Variants in RASGRF2 observed in about 807,000 individuals in gnomAD.
The protein encoded by RASGRF2 is Ras protein specific guanine nucleotide releasing factor 2.
RASGRF2 carries 76 observed loss-of-function variants against 151.0 expected under a neutral mutation model. That is an observed-to-expected ratio of 0.50 (90% CI 0.42 to 0.61). RASGRF2 has a LOEUF of 0.61. RASGRF2 is among the 20% of genes least tolerant of loss of function. The pLI is 0.00. For missense variants in RASGRF2, 1,148 were observed against 1,564.6 expected (o/e 0.73, Z 4.49); for synonymous variants, 504 against 566.5 (o/e 0.89, Z 1.57).
intron 17 of RASGRF2, among the ~76,000 whole-genome samples, chr5:81,150,297 G>T (rs1312880500): frequency 6.6e-6 from 1 of 152,166 alleles, no homozygotes; most frequent in Non-Finnish European, 1.5e-5. Flanking sequence ...GCCTCTTTAA[G>T]TCTCATCTTC....
At chr5:81,136,143 A>G (rs1753748214) in intron 17 of RASGRF2, among the ~76,000 whole-genome samples, 3 of 152,302 alleles carry the variant, frequency 2.0e-5, no homozygotes, top group Middle Eastern at 3.4e-3. Flanking sequence ...CCTCCCGACT[A>G]TTATTACTTT....
In RASGRF2 at chr5:81,180,252, C is replaced by A; in HGVS notation, c.2764C>A (p.Leu922Ile). The A allele has an allele frequency of 6.2e-7, 1 of 1,611,000 alleles. No homozygotes were observed. Among genetic ancestry groups the A allele is most frequent in the Non-Finnish European group, 8.5e-7 (1 of 1,177,528 alleles). Residue 922 changes from leucine (L) to isoleucine (I), a missense_variant, in exon 18 of 27, where the codon CTC (leucine) becomes ATC (isoleucine). Coordinates refer to ENST00000265080, the MANE Select transcript of RASGRF2 (RefSeq NM_006909.3). ...GGCTACCAATCGAGTTCTGAACGTC[C>A]TCCGTCACTGGGTCTCAAAGCACGC... is the stretch of plus-strand genomic sequence containing the variant. The part of the protein sequence containing the change: ...RTATNRVLNV[L>I]RHWVSKHAQD...
intron 18 of RASGRF2, among the ~76,000 whole-genome samples, chr5:81,185,147 G>A (rs1310454793): frequency 6.6e-6 from 1 of 152,204 alleles, no homozygotes; most frequent in East Asian, 1.9e-4. Context: ...AGGTAGGAGA[G>A]GTCAAGGAGA....
At chr5:81,216,369 GCA>G (rs1043898848) in intron 24 of RASGRF2, among the ~76,000 whole-genome samples, 25 of 144,232 alleles carry the variant, frequency 1.7e-4, no homozygotes, top group East Asian at 7.9e-4. Context: ...ACACACACAC[GCA>G]CACACACACA....
rs762880801 is a variant in RASGRF2, at chr5:80,960,698, G to T, written c.-41G>T. On this transcript the variant is annotated 5_prime_UTR_variant, in exon 1 of 27. Coordinates refer to ENST00000265080, the MANE Select transcript of RASGRF2 (RefSeq NM_006909.3). The surrounding 1 kb of genome is among the most constrained non-coding windows in gnomAD (Gnocchi z 5.5). Reference sequence around the variant, plus strand: ...GCTGGGCCATGGCCGCGAGGCAGGGGTGAGACCGGCGGCCACCCGTGAGCC... The same window carrying T: ...GCTGGGCCATGGCCGCGAGGCAGGGTTGAGACCGGCGGCCACCCGTGAGCC... 2.1e-6 allele frequency: 3 copies of T among 1,454,480 alleles called. No individual in the cohort carries two copies. The highest frequency in any genetic ancestry group is 2.6e-5 in the East Asian group (1 of 39,036). 90.1% of individuals were successfully genotyped at this position (1,454,480 alleles called of 1,614,324 possible).
At chr5:80,974,781 C>A (rs1038583995) in intron 1 of RASGRF2, among the ~76,000 whole-genome samples, 2 of 152,184 alleles carry the variant, frequency 1.3e-5, no homozygotes, top group African/African-American at 4.8e-5. Context: ...TGGCAGCAAA[C>A]TAATAGTTGC....
chr5:80,970,349 G>A (rs1487076876), intron 1 of RASGRF2, among the ~76,000 whole-genome samples: 2 of 152,186 alleles, frequency 1.3e-5, no homozygotes, highest in Non-Finnish European at 2.9e-5. Context: ...GATTGCAAGG[G>A]AGAGGTATGA....
intron 1 of RASGRF2, among the ~76,000 whole-genome samples, chr5:81,005,900 C>G (rs530374677): frequency 6.6e-6 from 1 of 152,124 alleles, no homozygotes; most frequent in Non-Finnish European, 1.5e-5. Flanking sequence ...AGTTCCAGGT[C>G]AGCGCCTGAC....
intron 1 of RASGRF2, among the ~76,000 whole-genome samples, chr5:81,012,423 A>G (rs956137696): frequency 7.9e-5 from 12 of 152,148 alleles, no homozygotes; most frequent in African/African-American, 2.9e-4. Flanking sequence ...GATGATAGAT[A>G]CTTGGGATTT....
Position 81,207,237 on chromosome 5 carries a change from C to G in RASGRF2, c.2968-9C>G, listed in dbSNP as rs752577759. The G allele has an allele frequency of 6.2e-7, 1 of 1,612,584 alleles. No individual in the cohort carries two copies. The stretch of plus-strand genomic sequence containing the variant: ...TGGGTGTTTCATTTCCCTCCCTCAT[C>G]TCTTGCAGACTGACTGCATGAAGGC... On this transcript the variant is annotated splice_polypyrimidine_tract_variant and intron_variant, in intron 20 of 26. Transcript: ENST00000265080.
intron 12 of RASGRF2, among the ~76,000 whole-genome samples, chr5:81,103,093 T>G (rs991579126): frequency 6.6e-6 from 1 of 152,028 alleles, no homozygotes; most frequent in African/African-American, 2.4e-5. Context: ...GAGATCACTA[T>G]GCAAAAAATC....
chr5:81,087,779 A>G (rs990115432), intron 9 of RASGRF2: 6 of 184,160 alleles, frequency 3.3e-5, no homozygotes, highest in African/African-American at 1.2e-4. Context: ...GGAGTGGAAT[A>G]TAAATTTGGA....
intron 18 of RASGRF2, among the ~76,000 whole-genome samples, chr5:81,185,175 A>T (rs934842691): frequency 1.3e-5 from 2 of 152,182 alleles, no homozygotes; most frequent in Admixed American, 6.5e-5. Flanking sequence ...TTCCAGAGAG[A>T]GGCATCTGTG....
At chr5:81,216,149 G>A (rs1181015414) in intron 24 of RASGRF2, among the ~76,000 whole-genome samples, 194 bp downstream of exon 24, 19 of 152,052 alleles carry the variant, frequency 1.2e-4, no homozygotes, top group Admixed American at 1.2e-3. Context: ...ATTGTCTTAT[G>A]GATATACTCA....
chr5:81,055,915 C>T (rs1269647669), intron 2 of RASGRF2, among the ~76,000 whole-genome samples: 12 of 152,254 alleles, frequency 7.9e-5, no homozygotes, highest in East Asian at 3.9e-4. Flanking sequence ...AGTTTATTTT[C>T]GTAGAGGTGT....
At chr5:81,158,579 G>A (rs1000410372) in intron 17 of RASGRF2, among the ~76,000 whole-genome samples, 10 of 151,740 alleles carry the variant, frequency 6.6e-5, no homozygotes, top group South Asian at 2.1e-4. Flanking sequence ...AATTCTATAC[G>A]AAATATATAA....
intron 17 of RASGRF2, among the ~76,000 whole-genome samples, chr5:81,165,034 T>TGGA (rs1195114026): frequency 1.3e-5 from 2 of 152,252 alleles, no homozygotes; most frequent in East Asian, 1.9e-4. Flanking sequence ...CCTGCCAGTG[T>TGGA]GGAGGGTTCC....
At chr5:81,216,527 A>G (rs1755744145) in intron 24 of RASGRF2, among the ~76,000 whole-genome samples, 1 of 149,300 alleles carries the variant, frequency 6.7e-6, no homozygotes, top group Admixed American at 6.6e-5. Flanking sequence ...AATAATAATA[A>G]TAGCAATAAT....
At chr5:81,206,980 C>A in intron 20 of RASGRF2, 75 bp downstream of exon 20, 1 of 1,240,978 alleles carries the variant, frequency 8.1e-7, no homozygotes, top group Non-Finnish European at 1.2e-6. Flanking sequence ...ATGCTTGTAA[C>A]CGATCAAGGA....
Sources: allele counts gnomAD v4.1 joint callset (sites outside exome capture counted in the v4.1 genomes callset), GRCh38; gene constraint gnomAD v4.1.1; non-coding constraint Gnocchi (gnomAD v3.1); transcripts MANE v1.5; gene names NCBI Gene and HGNC (gene_info 2026-07-23, HGNC 2026-07-21).